MICAL2: variants seen among roughly 807,000 people sequenced by gnomAD.
MICAL2 encodes [F-actin]-monooxygenase MICAL2.
MICAL2 carries 77 observed loss-of-function variants against 127.3 expected under a neutral mutation model. The ratio of observed to expected loss-of-function variants is 0.60; its 90% CI spans 0.50 to 0.73. MICAL2 has a LOEUF of 0.73. MICAL2 is among the 30% of genes least tolerant of loss of function. The pLI is 0.00. For synonymous variants in MICAL2, 570 were observed against 551.1 expected, an observed-to-expected ratio of 1.03 and a Z score of -0.48; for missense variants, 1,351 against 1,434.4, an observed-to-expected ratio of 0.94 and a Z score of 0.94.
intron 1 of MICAL2, among the ~76,000 whole-genome samples, chr11:12,123,106 C>T (rs1056208823): frequency 6.6e-6 from 1 of 152,134 alleles, no homozygotes; most frequent in African/African-American, 2.4e-5. Flanking sequence ...TTCATGTACC[C>T]TCAAGAAAGA....
At chr11:12,239,642 T>A in intron 17 of MICAL2, 57 bp downstream of exon 17, 1 of 1,577,430 alleles carries the variant, frequency 6.3e-7, no homozygotes, top group Non-Finnish European at 8.6e-7. Context: ...TCAGCAGGAA[T>A]GTTCTGGCTG....
At chr11:12,149,169 G>C (rs758087976) in intron 2 of MICAL2, among the ~76,000 whole-genome samples, 4 of 152,172 alleles carry the variant, frequency 2.6e-5, no homozygotes, top group Non-Finnish European at 5.9e-5. Context: ...ATCAGCAAAG[G>C]CATGTGGGTG....
chr11:12,173,631 G>A (rs944725951), intron 3 of MICAL2, among the ~76,000 whole-genome samples: 7 of 152,160 alleles, frequency 4.6e-5, no homozygotes, highest in Admixed American at 2.6e-4. Flanking sequence ...AACCATCACC[G>A]CTTCCTGTTT....
chr11:12,183,014 C>T (rs1056706121), intron 3 of MICAL2, among the ~76,000 whole-genome samples: 1 of 152,122 alleles, frequency 6.6e-6, no homozygotes, highest in African/African-American at 2.4e-5. Flanking sequence ...ATCTGCTGTT[C>T]CAAGCCAACT....
chr11:12,220,244 A>G lies in MICAL2; in HGVS notation c.992A>G (p.Asn331Ser), dbSNP rs1370512519. The G allele has an allele frequency of 1.2e-6, 2 of 1,614,178 alleles. No individual in the cohort carries two copies. Among genetic ancestry groups the G allele is most frequent in the Non-Finnish European group, 1.7e-6 (2 of 1,180,026 alleles). ...ATGCTGCTGTGTGCGGAGAACGTGA[A>G]CCAAGACAACCTGCTATCCTATGCC... is the stretch of plus-strand genomic sequence containing the variant. ...TEMLLCAENV[N>S]QDNLLSYARE... The change falls in exon 9 of 28, where the codon AAC becomes AGC. Residue 331 changes from asparagine (N) to serine (S), a missense_variant. By Grantham distance (46) the Asn-to-Ser change is conservative. Around this residue, in one of 2 missense-constraint regions of MICAL2, gnomAD observed 599 missense variants for 714.9 expected, o/e 0.84. Coordinates refer to ENST00000683283, the MANE Select transcript of MICAL2 (RefSeq NM_001282663.2).
intron 32 of MICAL2, among the ~76,000 whole-genome samples, chr11:12,336,664 G>A (rs12223705): frequency 6.6e-5 from 10 of 151,680 alleles, no homozygotes; most frequent in South Asian, 2.1e-4. Flanking sequence ...TAGCATGAAG[G>A]GTTGTTGAAT....
At chr11:12,140,825 A>C (rs1007594136) in intron 2 of MICAL2, among the ~76,000 whole-genome samples, 1 of 152,162 alleles carries the variant, frequency 6.6e-6, no homozygotes, top group South Asian at 2.1e-4. Context: ...CCTGTGGCCT[A>C]AACAGGTCAG....
At chr11:12,129,531 C>G (rs1322119238) in intron 1 of MICAL2, among the ~76,000 whole-genome samples, 2 of 151,888 alleles carry the variant, frequency 1.3e-5, no homozygotes, top group Admixed American at 1.3e-4. Context: ...CCCCTAAAGC[C>G]ATTCATCATT....
intron 15 of MICAL2, among the ~76,000 whole-genome samples, chr11:12,234,848 C>T (rs996421902): frequency 6.6e-6 from 1 of 152,198 alleles, no homozygotes; most frequent in Non-Finnish European, 1.5e-5. Flanking sequence ...TAAAAGAATC[C>T]TCCTGTGATC....
intron 29 of MICAL2, among the ~76,000 whole-genome samples, chr11:12,310,649 T>A (rs573427648): frequency 3.7e-4 from 57 of 152,322 alleles, no homozygotes; most frequent in Middle Eastern, 3.4e-3. Flanking sequence ...ATACTTTAGC[T>A]ATTTGGGGTC....
intron 3 of MICAL2, among the ~76,000 whole-genome samples, chr11:12,165,600 G>A (rs1855410192): frequency 6.6e-6 from 1 of 152,240 alleles, no homozygotes; most frequent in South Asian, 2.1e-4. Flanking sequence ...GTGCTAAAGT[G>A]GATGCATCTC....
chr11:12,175,822 C>A (rs190789726), intron 3 of MICAL2, among the ~76,000 whole-genome samples: 2 of 152,056 alleles, frequency 1.3e-5, no homozygotes, highest in Non-Finnish European at 2.9e-5. Context: ...CAAGTGTGCT[C>A]AGGATGTTGT....
chr11:12,345,690 A>C (rs1938943188), intron 32 of MICAL2, among the ~76,000 whole-genome samples: 1 of 152,240 alleles, frequency 6.6e-6, no homozygotes, highest in Admixed American at 6.5e-5. Context: ...ATCAGACTTA[A>C]CTACCACCAT....
In MICAL2 at chr11:12,358,319, T is replaced by G. The variant is rs536476909; in HGVS notation, c.5714T>G (p.Leu1905Arg). The change falls in exon 35 of 35, where the codon CTA (leucine) becomes CGA (arginine). Residue 1905 changes from leucine (L) to arginine (R), a missense_variant. By Grantham distance (102) the Leu-to-Arg change is moderately radical (BLOSUM62 -2). Coordinates refer to the MICAL2 transcript ENST00000646065. ...GAGAGCCAGAAAGATGAGAAGGATC[T>G]AAACGAAGAGCAAGAAGTATTCACC... 4.9e-4 allele frequency: 785 copies of G among 1,614,084 alleles called. 14 individuals are homozygous for G. The South Asian group carries it at 8.3e-3, about 17-fold the overall frequency.
chr11:12,218,312 C>G (rs1276311757), intron 8 of MICAL2, among the ~76,000 whole-genome samples: 1 of 152,176 alleles, frequency 6.6e-6, no homozygotes, highest in Non-Finnish European at 1.5e-5. Context: ...GGATTCTGTC[C>G]TCCTGTCCTT....
chr11:12,223,411 G>T lies in MICAL2; in HGVS notation c.1450G>T (p.Val484Leu). 1 of 1,613,580 alleles carries T rather than the reference G, an allele frequency of 6.2e-7. No homozygotes were observed. Among genetic ancestry groups the T allele is most frequent in the Non-Finnish European group, 8.5e-7 (1 of 1,179,578 alleles). Residue 484 changes from valine (V) to leucine (L), a missense_variant and splice_region_variant, in exon 12 of 28, where the codon GTG becomes TTG. By Grantham distance (32) the Val-to-Leu change is conservative. This residue lies in a region of MICAL2 where 599 missense variants were observed against 714.9 expected (regional missense o/e 0.84). Coordinates refer to ENST00000683283, the MANE Select transcript of MICAL2 (RefSeq NM_001282663.2). ...GCAAGCATGTCTCTCTTGCTCATAG[G>T]TGAAGCATTTGTATATCACTAAGGA... ...LNSHCVRPHQ[V>L]KHLYITKELE...
In MICAL2 at chr11:12,242,661, T is replaced by C; in HGVS notation, c.2557-10T>C. 1 of 1,606,552 alleles carries C rather than the reference T, an allele frequency of 6.2e-7. No individual in the cohort carries two copies. The highest frequency in any genetic ancestry group is 8.5e-7 in the Non-Finnish European group (1 of 1,174,462). Reference sequence around the variant, plus strand: ...TCTCTTTTCTTTCTCCTTTCTCACCTTCACTGCAGAAGAGGGCTCAGAACT... The same window carrying C: ...TCTCTTTTCTTTCTCCTTTCTCACCCTCACTGCAGAAGAGGGCTCAGAACT... On this transcript the variant is annotated splice_polypyrimidine_tract_variant and intron_variant, in intron 19 of 27. Transcript: ENST00000683283.
At chr11:12,289,693 C>T (rs1273217733), downstream of MICAL2, among the ~76,000 whole-genome samples, 1 of 151,812 alleles carries the variant, frequency 6.6e-6, no homozygotes, top group African/African-American at 2.4e-5. Flanking sequence ...CTCAGCCTCT[C>T]GAGTAGCTGG....
chr11:12,216,435 T>G (rs1332967961), intron 8 of MICAL2, 116 bp downstream of exon 8: 2 of 765,810 alleles, frequency 2.6e-6, no homozygotes, highest in East Asian at 2.6e-5. Flanking sequence ...GGGGGGAAGG[T>G]GCCACCAGCT....
Sources: gnomAD v4.1 joint callset for allele counts (sites outside exome capture counted in the v4.1 genomes callset) on GRCh38, gnomAD v4.1.1 for gene constraint, gnomAD v4.1.1 regional missense constraint, MANE v1.5 for transcripts, NCBI Gene and HGNC (gene_info 2026-07-23, HGNC 2026-07-21) for gene names.